The following MYO3B variants were observed in gnomAD, a reference collection of about 807,000 sequenced individuals.
The protein encoded by MYO3B is myosin-IIIb.
In MYO3B, 156 loss-of-function variants were observed where a neutral mutation model predicts 174.6. That is an observed-to-expected ratio of 0.89 (90% confidence interval 0.78 to 1.02). The LOEUF (loss-of-function observed/expected upper bound fraction) is 1.02, where lower values mean the gene tolerates loss of function less well. Ranked by LOEUF, MYO3B falls within the 50% of genes least tolerant of loss-of-function variation. The probability of loss-of-function intolerance (pLI) is 0.00; values close to 1 mark genes in which losing one functional copy is unlikely to be tolerated. For missense variants in MYO3B, 1,632 were observed against 1,639.4 expected, an observed-to-expected ratio of 1.00 and a Z score of 0.08; for synonymous variants, 563 against 569.1, an observed-to-expected ratio of 0.99 and a Z score of 0.15.
intron 7 of MYO3B, among the ~76,000 whole-genome samples, chr2:170,251,300 C>T (rs934540489): frequency 6.6e-6 from 1 of 152,000 alleles, no homozygotes; most frequent in Non-Finnish European, 1.5e-5. Context: ...CTCAAGGACA[C>T]ACAGTTAATA....
At chr2:170,481,490 C>T (rs1034529694) in intron 25 of MYO3B, among the ~76,000 whole-genome samples, 2 of 152,122 alleles carry the variant, frequency 1.3e-5, no homozygotes, top group African/African-American at 2.4e-5. Context: ...GTGAGAGGAT[C>T]GCTTGAGCCT....
chr2:170,572,607 CAAA>C (rs574487856), intron 32 of MYO3B, among the ~76,000 whole-genome samples: 9 of 123,998 alleles, frequency 7.3e-5, no homozygotes, highest in Admixed American at 8.2e-5. Context: ...GACCCTATAT[CAAA>C]AAAAAAAAAA....
chr2:170,573,670 A>C (rs1559127923), intron 32 of MYO3B, among the ~76,000 whole-genome samples: 1 of 152,204 alleles, frequency 6.6e-6, no homozygotes, highest in South Asian at 2.1e-4. Context: ...TGACTTTCTC[A>C]GCACAAACTG....
chr2:170,599,202 A>C (rs879728697), intron 32 of MYO3B, among the ~76,000 whole-genome samples: 1 of 152,210 alleles, frequency 6.6e-6, no homozygotes, highest in Non-Finnish European at 1.5e-5. Flanking sequence ...TGTACCACCC[A>C]GTAGTAAGGA....
chr2:170,354,952 G>A (rs912765943), intron 8 of MYO3B, among the ~76,000 whole-genome samples: 21 of 151,966 alleles, frequency 1.4e-4, no homozygotes, highest in African/African-American at 5.1e-4. Context: ...TCCTGGGGGT[G>A]GGGTGGGGGG....
chr2:170,592,211 C>G (rs751665242), intron 32 of MYO3B, among the ~76,000 whole-genome samples: 4 of 152,150 alleles, frequency 2.6e-5, no homozygotes, highest in Non-Finnish European at 4.4e-5. Flanking sequence ...GATAGAGGTA[C>G]TTTTTGAGGA....
intron 32 of MYO3B, among the ~76,000 whole-genome samples, chr2:170,648,933 GATATATAATAT>G (rs1196073698): frequency 1.9e-5 from 1 of 52,330 alleles, no homozygotes; most frequent in Non-Finnish European, 3.5e-5. Context: ...TATAAAATAT[GATATATAATAT>G]ATATAAAATA....
chr2:170,584,964 G>A (rs145475500), intron 32 of MYO3B, among the ~76,000 whole-genome samples: 1 of 152,200 alleles, frequency 6.6e-6, no homozygotes, highest in African/African-American at 2.4e-5. Flanking sequence ...TGAAATGCAG[G>A]TTCATGCTAT....
intron 25 of MYO3B, among the ~76,000 whole-genome samples, chr2:170,474,331 G>A (rs1279481927): frequency 3.3e-5 from 5 of 152,104 alleles, no homozygotes; most frequent in Admixed American, 1.3e-4. Context: ...ACTGTGCCCA[G>A]GGGTATGATT....
At chr2:170,186,150 A>G (rs1410181195) in intron 1 of MYO3B, among the ~76,000 whole-genome samples, 1 of 152,194 alleles carries the variant, frequency 6.6e-6, no homozygotes, top group African/African-American at 2.4e-5. Flanking sequence ...TGCTTTAGCA[A>G]GGACTTCCAG....
Position 170,293,990 on chromosome 2 carries a change from T to C in MYO3B, c.750-41395T>C, listed in dbSNP as rs75660962. 2.8e-3 allele frequency among the ~76,000 whole-genome samples: 422 copies of C among 149,438 alleles called. 22 individuals are homozygous for C. In the East Asian group the frequency reaches 0.068, roughly 24 times the overall value. On this transcript the variant is annotated intron_variant, in intron 7 of 34. Transcript: ENST00000408978. ...TTAGAATTTCGTTCTTTTTTTTCCC[T>C]GTTCACCTGCTCCTATTTACTTCTC...
chr2:170,267,008 T>A (rs1452950989), intron 7 of MYO3B, among the ~76,000 whole-genome samples: 1 of 152,246 alleles, frequency 6.6e-6, no homozygotes, highest in Non-Finnish European at 1.5e-5. Context: ...AACATCTTGA[T>A]ACACATTTTC....
intron 16 of MYO3B, 130 bp downstream of exon 16, chr2:170,392,625 G>A (rs1329669746): frequency 7.6e-6 from 4 of 523,136 alleles, no homozygotes; most frequent in Non-Finnish European, 1.3e-5. Context: ...ATAAGGTCTT[G>A]CTACTCAAAG....
chr2:170,352,382 T>C (rs2094080521), intron 8 of MYO3B, among the ~76,000 whole-genome samples: 1 of 152,220 alleles, frequency 6.6e-6, no homozygotes, highest in African/African-American at 2.4e-5. Context: ...ATGTCTAGTT[T>C]CTAAACCAAA....
chr2:170,452,896 C>T (rs894954108), intron 23 of MYO3B, among the ~76,000 whole-genome samples: 6 of 152,164 alleles, frequency 3.9e-5, no homozygotes, highest in Non-Finnish European at 8.8e-5. Context: ...AGAATTGAAC[C>T]TAGGCTGCCA....
intron 23 of MYO3B, among the ~76,000 whole-genome samples, chr2:170,451,668 A>G (rs1415956359): frequency 1.3e-5 from 2 of 152,224 alleles, no homozygotes; most frequent in African/African-American, 2.4e-5. Flanking sequence ...GAGCACTTTC[A>G]TATATAAACA....
At chr2:170,618,193 A>C (rs1695589058) in intron 32 of MYO3B, among the ~76,000 whole-genome samples, 1 of 152,226 alleles carries the variant, frequency 6.6e-6, no homozygotes, top group African/African-American at 2.4e-5. Context: ...GATCATCTAG[A>C]GAACCAGGCA....
chr2:170,613,241 G>A (rs1419014751), intron 32 of MYO3B, among the ~76,000 whole-genome samples: 1 of 152,126 alleles, frequency 6.6e-6, no homozygotes, highest in African/African-American at 2.4e-5. Context: ...CTGGTTTGGA[G>A]TGCTGAACAC....
At chr2:170,405,097 AAAG>A (rs1257355451) in intron 20 of MYO3B, among the ~76,000 whole-genome samples, 2 of 152,200 alleles carry the variant, frequency 1.3e-5, no homozygotes, top group Non-Finnish European at 2.9e-5. Context: ...ATCGTGTGTT[AAAG>A]GAGGAACAAA....
Sources: allele counts gnomAD v4.1 joint callset (sites outside exome capture counted in the v4.1 genomes callset), GRCh38; gene constraint gnomAD v4.1.1; transcripts MANE v1.5; gene names NCBI Gene and HGNC (gene_info 2026-07-23, HGNC 2026-07-21).